Variants in AFF3 observed in about 807,000 individuals in gnomAD.
The protein encoded by AFF3 is AF4/FMR2 family member 3.
In AFF3, 32 loss-of-function variants were observed where a neutral mutation model predicts 129.7. The ratio of observed to expected loss-of-function variants is 0.25; its 90% CI spans 0.19 to 0.33. The LOEUF is 0.33. Ranked by LOEUF, AFF3 falls within the 10% of genes least tolerant of loss-of-function variation. The pLI is 1.00. For missense variants in AFF3, 1,373 were observed against 1,592.0 expected, an observed-to-expected ratio of 0.86 and a Z score of 2.34; for synonymous variants, 644 against 635.4, an observed-to-expected ratio of 1.01 and a Z score of -0.20.
At position 99,966,689 on chromosome 2, in the gene AFF3, C is replaced by CAAAAAAA. The variant is rs61351679; in HGVS notation, c.873+39936_873+39942dup. ...TGGGCGACAGAGCGAGACTCCGTCTCAAAAAAAAAAAAAAAAAAAAAAAAA... is the reference window on the plus strand; with the variant it reads ...TGGGCGACAGAGCGAGACTCCGTCTCAAAAAAAAAAAAAAAAAAAAAAAAAAAAAAAA... On this transcript the variant is annotated intron_variant, in intron 7 of 24. Coordinates refer to ENST00000672756, the MANE Select transcript of AFF3 (RefSeq NM_001386135.1). Among the ~76,000 whole-genome samples, 225 of 36,770 alleles carry CAAAAAAA rather than the reference C, an allele frequency of 6.1e-3. 8 individuals carry two copies. Among genetic ancestry groups the CAAAAAAA allele is most frequent in the Admixed American group, 9.5e-3 (14 of 1,480 alleles). 24.1% of individuals were successfully genotyped at this position (36,770 alleles called of 152,430 possible). A position where few individuals can be genotyped will look rare whatever the true frequency, so the allele number is the denominator to read the frequency against.
chr2:99,816,058 A>C (rs1366232512), intron 8 of AFF3, among the ~76,000 whole-genome samples: 2 of 147,826 alleles, frequency 1.4e-5, no homozygotes, highest in Non-Finnish European at 3.0e-5. Context: ...TTTTTTTTAA[A>C]TCTCATTGCA....
chr2:99,997,674 C>G (rs1680978150), intron 7 of AFF3, among the ~76,000 whole-genome samples: 2 of 152,164 alleles, frequency 1.3e-5, no homozygotes, highest in Non-Finnish European at 2.9e-5. Context: ...GCTTGGCAGG[C>G]CTTGCAAGAC....
chr2:99,898,060 C>T (rs1057314858), intron 7 of AFF3, among the ~76,000 whole-genome samples: 6 of 152,328 alleles, frequency 3.9e-5, no homozygotes, highest in Admixed American at 3.9e-4. Context: ...CTAGCTCCCT[C>T]TGTAATTTCC....
At chr2:99,944,462 T>C (rs925008031) in intron 7 of AFF3, among the ~76,000 whole-genome samples, 1 of 152,188 alleles carries the variant, frequency 6.6e-6, no homozygotes, top group Non-Finnish European at 1.5e-5. Context: ...ACAAAAGCTC[T>C]CACTTCTTCA....
In AFF3 at chr2:99,573,229, C is replaced by G. The variant is rs1236268549; in HGVS notation, c.2919-4314G>C. On this transcript the variant is annotated intron_variant, in intron 18 of 24. Transcript: ENST00000672756. ...ATGTCCTTGTCTCCGCACCCTGTCCCCCGCACCCCTTTGCAAATCCTACTT... is the reference window on the plus strand; with the variant it reads ...ATGTCCTTGTCTCCGCACCCTGTCCGCCGCACCCCTTTGCAAATCCTACTT... Among the ~76,000 whole-genome samples, 11 of 152,008 alleles carry G rather than the reference C, an allele frequency of 7.2e-5. No individual in the cohort carries two copies. In the East Asian group the frequency reaches 2.1e-3, roughly 29 times the overall value.
Position 100,071,027 on chromosome 2 carries a change from C to T in AFF3, c.53+33375G>A, listed in dbSNP as rs150252317. ...GAACATTTTGTAATATATAAAAGGA[C>T]GTGACAGAATAATACTGTAGCTAAA... On this transcript the variant is annotated intron_variant, in intron 4 of 24. Coordinates refer to ENST00000672756, the MANE Select transcript of AFF3 (RefSeq NM_001386135.1). Among the ~76,000 whole-genome samples the T allele has an allele frequency of 1.8e-3, 281 of 152,158 alleles. 2 individuals carry two copies. Among genetic ancestry groups the T allele is most frequent in the African/African-American group, 5.7e-3 (238 of 41,498 alleles).
chr2:99,558,834 G>A (rs373457960), intron 22 of AFF3, 41 bp downstream of exon 22: 41 of 1,590,542 alleles, frequency 2.6e-5, no homozygotes, highest in Non-Finnish European at 3.1e-5. Context: ...AGGGAGACAA[G>A]TGAAATTAAG....
At chr2:100,061,383 C>G (rs1036752675) in intron 4 of AFF3, among the ~76,000 whole-genome samples, 2 of 152,048 alleles carry the variant, frequency 1.3e-5, no homozygotes, top group Non-Finnish European at 2.9e-5. Context: ...GTTGCTGACT[C>G]TGCAGTGGCT....
chr2:99,616,912 T>C (rs557461979), intron 13 of AFF3, among the ~76,000 whole-genome samples: 1 of 152,348 alleles, frequency 6.6e-6, no homozygotes, highest in African/African-American at 2.4e-5. Context: ...GATGTAAGTA[T>C]GTGGTCTTCT....
At chr2:99,802,006 T>G (rs1268395572) in intron 8 of AFF3, among the ~76,000 whole-genome samples, 1 of 152,226 alleles carries the variant, frequency 6.6e-6, no homozygotes, top group African/African-American at 2.4e-5. Flanking sequence ...ATTACTGTAA[T>G]CGGATTTAAC....
At chr2:99,955,843 G>T (rs1676590431) in intron 7 of AFF3, among the ~76,000 whole-genome samples, 2 of 152,182 alleles carry the variant, frequency 1.3e-5, no homozygotes, top group South Asian at 2.1e-4. Context: ...TCTCCTTTTG[G>T]CCTTTTTCTA....
intron 13 of AFF3, among the ~76,000 whole-genome samples, chr2:99,646,009 T>C (rs763519285): frequency 6.6e-6 from 1 of 152,146 alleles, no homozygotes; most frequent in Non-Finnish European, 1.5e-5. Flanking sequence ...TTCTTTTTCT[T>C]ATAACTGGTC....
Position 100,012,226 on chromosome 2 carries a change from G to A in AFF3, c.54-3294C>T, listed in dbSNP as rs147502886. 9.3e-4 allele frequency among the ~76,000 whole-genome samples: 141 copies of A among 152,184 alleles called. 3 individuals are homozygous for A. In the East Asian group the frequency reaches 0.013, roughly 14 times the overall value. ...ACCCAGAATGACTCAAAATGGCAAC[G>A]TCCCCACTTCTTCAAAGGAGAGGAA... On this transcript the variant is annotated intron_variant, in intron 4 of 24. Coordinates refer to ENST00000672756, the MANE Select transcript of AFF3 (RefSeq NM_001386135.1).
In AFF3 at chr2:99,716,056, A is replaced by C. The variant is rs113236776; in HGVS notation, c.1091+11021T>G. 3.4e-4 allele frequency among the ~76,000 whole-genome samples: 52 copies of C among 152,240 alleles called. 1 individual carries two copies. The highest frequency in any genetic ancestry group is 1.2e-3 in the African/African-American group (50 of 41,546). ...AAATGTAGAAGGATATGCTCTTGGG[A>C]TCTGTCTACAAGCCTGTGTAATTGA... On this transcript the variant is annotated intron_variant, in intron 11 of 24. Coordinates refer to ENST00000672756, the MANE Select transcript of AFF3 (RefSeq NM_001386135.1).
intron 7 of AFF3, among the ~76,000 whole-genome samples, chr2:99,859,927 G>GC (rs1435587263): frequency 2.0e-5 from 3 of 151,730 alleles, no homozygotes; most frequent in South Asian, 2.1e-4. Context: ...GCTTATGGTC[G>GC]CCCCCCGCAA....
chr2:99,559,102 G>A (rs886177626), intron 21 of AFF3, 134 bp from the exon 22 acceptor site: 35 of 707,552 alleles, frequency 4.9e-5, no homozygotes, highest in African/African-American at 3.9e-4. Context: ...CTTTCTATAC[G>A]TGCATATAAT....
intron 22 of AFF3, among the ~76,000 whole-genome samples, chr2:99,556,383 G>C (rs1172778821): frequency 6.6e-6 from 1 of 152,052 alleles, no homozygotes. Context: ...TGGAGGTTAG[G>C]GTGAGCCAAG....
intron 14 of AFF3, among the ~76,000 whole-genome samples, chr2:99,598,312 G>A (rs1679488636): frequency 6.6e-6 from 1 of 152,128 alleles, no homozygotes; most frequent in South Asian, 2.1e-4. Flanking sequence ...CAACATGTTA[G>A]CTGAGTGCAA....
chr2:99,746,734 T>A (rs1183076104), intron 9 of AFF3, among the ~76,000 whole-genome samples: 1 of 152,180 alleles, frequency 6.6e-6, no homozygotes, highest in South Asian at 2.1e-4. Flanking sequence ...CCCATGTAGA[T>A]TGGTACGTTT....
Sources: gnomAD v4.1 joint callset for allele counts (sites outside exome capture counted in the v4.1 genomes callset) on GRCh38, gnomAD v4.1.1 for gene constraint, MANE v1.5 for transcripts, NCBI Gene and HGNC (gene_info 2026-07-23, HGNC 2026-07-21) for gene names.